Variants in EP400 observed in about 807,000 individuals in gnomAD.
EP400 encodes E1A-binding protein p400.
EP400 carries 105 observed loss-of-function variants against 354.1 expected under a neutral mutation model. The observed-to-expected ratio is 0.30, with a 90% CI of 0.25 to 0.35. The LOEUF is 0.35. Ranked by LOEUF, EP400 falls within the 10% of genes least tolerant of loss-of-function variation. The probability of loss-of-function intolerance (pLI) is 1.00; values close to 1 mark genes in which losing one functional copy is unlikely to be tolerated. For missense variants in EP400, 3,280 were observed against 4,121.0 expected (o/e 0.80, Z 5.59); for synonymous variants, 1,646 against 1,716.9 (o/e 0.96, Z 1.02).
intron 2 of EP400, among the ~76,000 whole-genome samples, chr12:131,978,183 G>A (rs1892547478): frequency 6.6e-6 from 1 of 152,158 alleles, no homozygotes; most frequent in African/African-American, 2.4e-5. Flanking sequence ...TTTACGAGCA[G>A]TTTTAGGTTC....
rs529920179 is a variant in EP400, at chr12:132,033,157, A to G, written c.5951+1008A>G. Among the ~76,000 whole-genome samples, 21 of 149,760 alleles carry G rather than the reference A, an allele frequency of 1.4e-4. No individual in the cohort carries two copies. The East Asian group carries it at 4.0e-3, about 29-fold the overall frequency. ...GAAACGGGGTTTCACCATGTTGGCC[A>G]GGCTGATCTTGGAACTCCCGACCTC... On this transcript the variant is annotated intron_variant, in intron 30 of 52. Coordinates refer to ENST00000389561, the MANE Select transcript of EP400 (RefSeq NM_015409.5).
intron 30 of EP400, 105 bp from the exon 31 acceptor site, chr12:132,037,577 G>A (rs1894760519): frequency 1.2e-6 from 1 of 863,860 alleles, no homozygotes; most frequent in African/African-American, 1.7e-5. Context: ...AGGGGTAGCT[G>A]GAGGAGGGAC....
Position 132,029,748 on chromosome 12 carries a change from G to A in EP400, c.5429G>A (p.Arg1810Gln), listed in dbSNP as rs770165429. ...GTGGTGGCAGCACCCCCGTCCCTAC[G>A]GGTGCCGCGGCCGCCACCCCTGTAC... ...PPVVAAPPSL[R>Q]VPRPPPLYSH... is the part of the protein sequence containing the mutation. Residue 1810 changes from arginine (R) to glutamine (Q), a missense_variant, in exon 28 of 53, where the codon CGG (arginine) becomes CAG (glutamine). This residue lies in a region of EP400 where 459 missense variants were observed against 496.9 expected (regional missense o/e 0.92). Coordinates refer to ENST00000389561, the MANE Select transcript of EP400 (RefSeq NM_015409.5). This position sits in a 1 kb window ranked among gnomAD's most constrained non-coding sequence, Gnocchi z 4.7. 1.2e-5 allele frequency: 20 copies of A among 1,613,182 alleles called. No individual in the cohort carries two copies. The highest frequency in any genetic ancestry group is 2.2e-5 in the South Asian group (2 of 91,072).
At chr12:132,011,766 AC>A in intron 16 of EP400, 132 bp downstream of exon 16, 3 of 1,177,036 alleles carry the variant, frequency 2.5e-6, no homozygotes, top group Non-Finnish European at 3.5e-6. Context: ...GAGTTAACAG[AC>A]CTTTATGTTG....
chr12:132,055,729 G>A (rs954289617), intron 45 of EP400, among the ~76,000 whole-genome samples: 1 of 149,104 alleles, frequency 6.7e-6, no homozygotes, highest in African/African-American at 2.5e-5. Flanking sequence ...AAGTGTAGGG[G>A]TGTGTGTGTG....
At chr12:132,024,298 C>T (rs1894223836) in intron 24 of EP400, among the ~76,000 whole-genome samples, 1 of 152,154 alleles carries the variant, frequency 6.6e-6, no homozygotes. Context: ...ACCTGAGCCC[C>T]AGAGGTTGAA....
Position 131,994,854 on chromosome 12 carries a change from A to T in EP400, c.2738-13A>T. 1 of 1,613,556 alleles carries T rather than the reference A, an allele frequency of 6.2e-7. No individual in the cohort carries two copies. Among genetic ancestry groups the T allele is most frequent in the Non-Finnish European group, 8.5e-7 (1 of 1,179,626 alleles). On this transcript the variant is annotated splice_polypyrimidine_tract_variant and intron_variant, in intron 11 of 52. Transcript: ENST00000389561. The surrounding 1 kb of genome is among the most constrained non-coding windows in gnomAD (Gnocchi z 4.6). ...TGTTGCCTCTCAGTGACACTTGCTGATAACCATTTTAGTGGACGATGAAGA... is the reference window on the plus strand; with the variant it reads ...TGTTGCCTCTCAGTGACACTTGCTGTTAACCATTTTAGTGGACGATGAAGA...
At position 132,052,989 on chromosome 12, in the gene EP400, G is replaced by C. The variant is rs572358347; in HGVS notation, c.7395-157G>C. ...GCTGAGGATGAGGTCTAGGTGGCTC[G>C]ATCTCCTGCAGGGCACATTGGGCAC... On this transcript the variant is annotated intron_variant, in intron 41 of 52. Coordinates refer to ENST00000389561, the MANE Select transcript of EP400 (RefSeq NM_015409.5). The surrounding 1 kb of genome is among the most constrained non-coding windows in gnomAD (Gnocchi z 4.4). Among the ~76,000 whole-genome samples the C allele has an allele frequency of 6.6e-6, 1 of 152,128 alleles. No individual in the cohort carries two copies. The highest frequency in any genetic ancestry group is 1.5e-5 in the Non-Finnish European group (1 of 68,012).
chr12:132,015,088 C>T (rs1263472819), intron 19 of EP400, among the ~76,000 whole-genome samples: 2 of 152,250 alleles, frequency 1.3e-5, no homozygotes, highest in Non-Finnish European at 2.9e-5. Flanking sequence ...CATGTGGAGC[C>T]TGGGCACCCT....
At chr12:132,061,051 G>A (rs544715206) in intron 45 of EP400, among the ~76,000 whole-genome samples, 1 of 152,320 alleles carries the variant, frequency 6.6e-6, no homozygotes, top group South Asian at 2.1e-4. Context: ...GTGGTAACAA[G>A]GTAGACTCAT....
intron 25 of EP400, among the ~76,000 whole-genome samples, chr12:132,026,018 C>G (rs1032952456): frequency 6.6e-6 from 1 of 152,208 alleles, no homozygotes; most frequent in African/African-American, 2.4e-5. Flanking sequence ...ATATAACCAG[C>G]CTCCACTGTC....
intron 16 of EP400, among the ~76,000 whole-genome samples, 175 bp downstream of exon 16, chr12:132,011,809 G>A (rs866558464): frequency 5.9e-5 from 9 of 152,178 alleles, no homozygotes; most frequent in South Asian, 4.2e-4. Flanking sequence ...ATACCGCATC[G>A]GCCTGGCCAT....
chr12:132,056,285 C>G (rs999677901), intron 45 of EP400, among the ~76,000 whole-genome samples: 1 of 152,060 alleles, frequency 6.6e-6, no homozygotes, highest in Non-Finnish European at 1.5e-5. Context: ...TGTAGTCTCT[C>G]TTGGGTTTTG....
In EP400 at chr12:131,981,577, A is replaced by G. The variant is rs753596902; in HGVS notation, c.1524A>G (p.Gln508=). ...CGGACGCAGGCGTTCCTCTCCAGCA[A>G]CTAATGCCGACCGCACAAGGTAAGG... The part of the protein sequence containing the change: ...PGADAGVPLQ[Q]LMPTAQGGMP... Residue 508 remains glutamine (Q), a synonymous_variant, in exon 4 of 53, where the codon CAA becomes CAG. Transcript: ENST00000389561. 5 of 1,598,896 alleles carry G rather than the reference A, an allele frequency of 3.1e-6. No homozygotes were observed. The South Asian group carries it at 4.5e-5, about 15-fold the overall frequency.
intron 2 of EP400, among the ~76,000 whole-genome samples, chr12:131,966,814 G>A (rs1257486703): frequency 2.1e-5 from 3 of 143,136 alleles, no homozygotes; most frequent in African/African-American, 8.0e-5. Flanking sequence ...TGAGGCAGGA[G>A]AATCACTTGA....
chr12:132,024,804 G>GC (rs1251745957), intron 24 of EP400, among the ~76,000 whole-genome samples: 1 of 104,684 alleles, frequency 9.6e-6, no homozygotes, highest in Admixed American at 9.9e-5. Flanking sequence ...CTGCCTCCCC[G>GC]CCACCCCCCC....
Position 131,994,215 on chromosome 12 carries a change from G to C in EP400, c.2738-652G>C, listed in dbSNP as rs891339422. ...TGAAGAAATGAGGAAGAGTTTTGATGGTAGGAAGGGAGAGATGTTATGTTA... is the reference window on the plus strand; with the variant it reads ...TGAAGAAATGAGGAAGAGTTTTGATCGTAGGAAGGGAGAGATGTTATGTTA... On this transcript the variant is annotated intron_variant, in intron 11 of 52. Transcript: ENST00000389561. This position sits in a 1 kb window ranked among gnomAD's most constrained non-coding sequence, Gnocchi z 4.6. 6.6e-6 allele frequency among the ~76,000 whole-genome samples: 1 copy of C among 152,110 alleles called. No individual in the cohort carries two copies. Among genetic ancestry groups the C allele is most frequent in the African/African-American group, 2.4e-5 (1 of 41,410 alleles).
chr12:131,963,529 C>G, intron 2 of EP400: 1 of 1,590,462 alleles, frequency 6.3e-7, no homozygotes, highest in Middle Eastern at 1.7e-4. Flanking sequence ...TATTTCCTCT[C>G]AGGTAAAGGT....
chr12:131,956,152 C>T (rs570997899), intron 1 of EP400, among the ~76,000 whole-genome samples: 10 of 152,256 alleles, frequency 6.6e-5, no homozygotes, highest in South Asian at 6.2e-4. Context: ...ACGCAGCCCT[C>T]GGCCTCTGTT....
Sources: gnomAD v4.1 joint callset for allele counts (sites outside exome capture counted in the v4.1 genomes callset) on GRCh38, gnomAD v4.1.1 for gene constraint, gnomAD v4.1.1 regional missense constraint, Gnocchi (gnomAD v3.1) non-coding constraint, MANE v1.5 for transcripts, NCBI Gene and HGNC (gene_info 2026-07-23, HGNC 2026-07-21) for gene names.